MAGI1: variants seen among roughly 807,000 people sequenced by gnomAD.
MAGI1 encodes membrane-associated guanylate kinase, WW and PDZ domain-containing protein 1.
MAGI1 carries 58 observed loss-of-function variants against 139.9 expected under a neutral mutation model. That is an observed-to-expected ratio of 0.41 (90% CI 0.34 to 0.52). The LOEUF is 0.52. MAGI1 is among the 20% of genes least tolerant of loss of function. The probability of loss-of-function intolerance (pLI) is 0.12; values close to 1 mark genes in which losing one functional copy is unlikely to be tolerated. For synonymous variants in MAGI1, 812 were observed against 737.9 expected (o/e 1.10, Z -1.63); for missense variants, 1,874 against 1,901.6 (o/e 0.99, Z 0.27).
chr3:65,906,484 G>A (rs1430478537), intron 1 of MAGI1, among the ~76,000 whole-genome samples: 1 of 152,142 alleles, frequency 6.6e-6, no homozygotes, highest in African/African-American at 2.4e-5. Context: ...TTTCTTCCAG[G>A]CCCATTCCTG....
intron 16 of MAGI1, among the ~76,000 whole-genome samples, chr3:65,380,048 C>T (rs3755611): frequency 0.046 from 6,968 of 152,248 alleles, 649 homozygotes; most frequent in East Asian, 0.31. Context: ...GTGATGGTAA[C>T]GTTGAGGCTA....
intron 1 of MAGI1, among the ~76,000 whole-genome samples, chr3:65,951,770 T>G (rs1383989318): frequency 2.0e-5 from 3 of 152,126 alleles, no homozygotes; most frequent in African/African-American, 7.2e-5. Context: ...ACGCATGGAG[T>G]TCTTTGGCAG....
intron 1 of MAGI1, among the ~76,000 whole-genome samples, chr3:65,939,042 C>G (rs2063187160): frequency 6.6e-6 from 1 of 152,020 alleles, no homozygotes; most frequent in African/African-American, 2.4e-5. Flanking sequence ...GTTTGCGCCC[C>G]CATCCCAAAA....
At chr3:65,684,296 G>A (rs868668563) in intron 1 of MAGI1, among the ~76,000 whole-genome samples, 2 of 152,040 alleles carry the variant, frequency 1.3e-5, no homozygotes, top group Non-Finnish European at 2.9e-5. Context: ...CCACCAGTAT[G>A]CCAGCATTCA....
At chr3:65,725,116 A>T (rs1416874055) in intron 1 of MAGI1, among the ~76,000 whole-genome samples, 1 of 152,232 alleles carries the variant, frequency 6.6e-6, no homozygotes, top group Non-Finnish European at 1.5e-5. Context: ...AGAAGGAAAC[A>T]ACTCCAAATG....
chr3:65,522,761 G>A (rs1264259652), intron 2 of MAGI1, among the ~76,000 whole-genome samples: 1 of 152,128 alleles, frequency 6.6e-6, no homozygotes, highest in Non-Finnish European at 1.5e-5. Context: ...AGGCAGACAA[G>A]CCCTGGCTAA....
At chr3:65,831,861 G>A (rs1241689884) in intron 1 of MAGI1, among the ~76,000 whole-genome samples, 1 of 152,172 alleles carries the variant, frequency 6.6e-6, no homozygotes, top group Non-Finnish European at 1.5e-5. Context: ...TCTGAAATGT[G>A]TCACCACATA....
intron 2 of MAGI1, among the ~76,000 whole-genome samples, chr3:65,598,523 T>C (rs939881046): frequency 1.3e-5 from 2 of 152,320 alleles, no homozygotes; most frequent in East Asian, 3.9e-4. Flanking sequence ...TTCCAATAGA[T>C]AATAACTCTT....
chr3:65,665,141 C>T (rs7638841), intron 1 of MAGI1, among the ~76,000 whole-genome samples: 9,818 of 152,282 alleles, frequency 0.064, 1,094 homozygotes, highest in African/African-American at 0.22. Context: ...GACTCCCTGT[C>T]ACACTCAGCA....
At chr3:65,832,367 A>T (rs569937301) in intron 1 of MAGI1, among the ~76,000 whole-genome samples, 1 of 152,226 alleles carries the variant, frequency 6.6e-6, no homozygotes, top group Non-Finnish European at 1.5e-5. Flanking sequence ...GTGTGGTTTT[A>T]GCACATGTAA....
chr3:65,490,308 T>C (rs541541936), intron 3 of MAGI1, among the ~76,000 whole-genome samples: 1 of 152,118 alleles, frequency 6.6e-6, no homozygotes, highest in Non-Finnish European at 1.5e-5. Flanking sequence ...CACAGCTCAA[T>C]AGCAAAGGGG....
At chr3:65,690,341 C>A (rs1294376429) in intron 1 of MAGI1, among the ~76,000 whole-genome samples, 1 of 152,196 alleles carries the variant, frequency 6.6e-6, no homozygotes, top group African/African-American at 2.4e-5. Context: ...CACTGTCACA[C>A]TGTTATTGCT....
At chr3:66,035,546 A>C (rs1559515791) in intron 1 of MAGI1, among the ~76,000 whole-genome samples, 1 of 152,214 alleles carries the variant, frequency 6.6e-6, no homozygotes, top group Admixed American at 6.5e-5. Context: ...CATTACTGGT[A>C]ATGAAGACGT....
chr3:65,823,634 G>T (rs890644010), intron 1 of MAGI1, among the ~76,000 whole-genome samples: 15 of 152,228 alleles, frequency 9.9e-5, no homozygotes, highest in Non-Finnish European at 1.0e-4. Flanking sequence ...CCTCCAGGTG[G>T]CTTCTCCTGC....
At chr3:65,551,299 C>T (rs1243819970) in intron 2 of MAGI1, among the ~76,000 whole-genome samples, 2 of 152,102 alleles carry the variant, frequency 1.3e-5, no homozygotes, top group Non-Finnish European at 2.9e-5. Context: ...AACCACTTTC[C>T]TTTTTTATTT....
At chr3:65,651,030 G>C (rs769072587) in intron 1 of MAGI1, among the ~76,000 whole-genome samples, 10 of 152,048 alleles carry the variant, frequency 6.6e-5, no homozygotes, top group Non-Finnish European at 1.5e-4. Flanking sequence ...GTTTCTTTAA[G>C]GTGAAGGGAT....
intron 13 of MAGI1, among the ~76,000 whole-genome samples, chr3:65,391,867 TA>T (rs1943945284): frequency 1.3e-5 from 2 of 151,764 alleles, no homozygotes; most frequent in Admixed American, 6.6e-5. Flanking sequence ...TTTCGACTAT[TA>T]AAAAAAAGGA....
intron 1 of MAGI1, among the ~76,000 whole-genome samples, chr3:65,765,377 G>A (rs1246216440): frequency 6.6e-6 from 1 of 152,070 alleles, no homozygotes; most frequent in Non-Finnish European, 1.5e-5. Flanking sequence ...GGCACTGGCG[G>A]GACAACTATA....
intron 1 of MAGI1, among the ~76,000 whole-genome samples, chr3:65,814,168 G>C (rs1021100506): frequency 2.6e-5 from 4 of 152,048 alleles, no homozygotes; most frequent in Non-Finnish European, 5.9e-5. Flanking sequence ...TAAAGATATA[G>C]ATTACTCTGC....
Sources: allele counts gnomAD v4.1 joint callset (sites outside exome capture counted in the v4.1 genomes callset), GRCh38; gene constraint gnomAD v4.1.1; transcripts MANE v1.5; gene names NCBI Gene and HGNC (gene_info 2026-07-23, HGNC 2026-07-21).